Variants in IGF2R observed in about 807,000 individuals in gnomAD.
The protein encoded by IGF2R is insulin like growth factor 2 receptor.
Under a neutral mutation model 270.6 loss-of-function variants are expected in IGF2R, and 91 were observed. The ratio of observed to expected loss-of-function variants is 0.34; its 90% CI spans 0.28 to 0.40. The LOEUF is 0.40. Among genes scored for constraint, IGF2R ranks in the 10% least tolerant of loss-of-function variants. IGF2R has a pLI of 1.00. For missense variants in IGF2R, 2,805 were observed against 3,188.3 expected, an observed-to-expected ratio of 0.88 and a Z score of 2.90; for synonymous variants, 1,316 against 1,258.9, an observed-to-expected ratio of 1.05 and a Z score of -0.96.
rs1438477281 is a variant in IGF2R at position 160,063,661 on chromosome 6, C to A, written c.3886+31C>A. The A allele has an allele frequency of 8.0e-6, 12 of 1,504,182 alleles. No homozygotes were observed. The African/African-American group carries it at 1.4e-4, about 17-fold the overall frequency. 93.2% of individuals were successfully genotyped at this position (1,504,182 alleles called of 1,614,324 possible). A position where few individuals can be genotyped will look rare whatever the true frequency, so the allele number is the denominator to read the frequency against. ...ATTGTTTGTCGTTTTCCTTTTGTTG[C>A]AAAGGAATGGAATTAAAATATTAAA... is the stretch of plus-strand genomic sequence containing the variant. On this transcript the variant is annotated intron_variant, in intron 27 of 47. Transcript: ENST00000356956.
chr6:160,037,075 C>T (rs564104993), intron 10 of IGF2R, among the ~76,000 whole-genome samples: 3 of 152,294 alleles, frequency 2.0e-5, no homozygotes, highest in South Asian at 2.1e-4. Flanking sequence ...GTAAGCCATG[C>T]GTCATTGATG....
chr6:160,015,991 A>G (rs758112352), intron 4 of IGF2R, among the ~76,000 whole-genome samples: 6 of 152,172 alleles, frequency 3.9e-5, no homozygotes, highest in African/African-American at 1.2e-4. Context: ...AAGCCGAGCT[A>G]TGCTTCCTGT....
intron 9 of IGF2R, 71 bp from the exon 10 acceptor site, chr6:160,034,348 C>A: frequency 1.0e-6 from 1 of 960,054 alleles, no homozygotes; most frequent in Non-Finnish European, 1.7e-6. Context: ...TTAATGTAGA[C>A]ATTTAAAAAG....
At chr6:160,045,308 A>C (rs555058842) in intron 13 of IGF2R, among the ~76,000 whole-genome samples, 1 of 152,280 alleles carries the variant, frequency 6.6e-6, no homozygotes, top group East Asian at 1.9e-4. Context: ...TTTCCTTTGG[A>C]TAAGTTCCCA....
intron 45 of IGF2R, among the ~76,000 whole-genome samples, chr6:160,101,231 A>G (rs917765181): frequency 4.6e-5 from 7 of 152,252 alleles, no homozygotes; most frequent in African/African-American, 1.7e-4. Context: ...TCCAAAGAAG[A>G]AATCAAAGGT....
chr6:160,013,015 T>A (rs1784362492), intron 4 of IGF2R, among the ~76,000 whole-genome samples: 1 of 151,972 alleles, frequency 6.6e-6, no homozygotes, highest in Non-Finnish European at 1.5e-5. Context: ...TGGTGCCCTC[T>A]GCTCTCCTGT....
chr6:160,028,603 G>A (rs1409334030), intron 6 of IGF2R, among the ~76,000 whole-genome samples: 3 of 152,222 alleles, frequency 2.0e-5, no homozygotes, highest in Admixed American at 6.5e-5. Flanking sequence ...GGGGCACTGG[G>A]CCCTTTCCAC....
intron 2 of IGF2R, among the ~76,000 whole-genome samples, chr6:160,008,586 G>A (rs1282096765): frequency 6.6e-6 from 1 of 152,160 alleles, no homozygotes; most frequent in Non-Finnish European, 1.5e-5. Flanking sequence ...ACATTTCAGT[G>A]GCTGAGTTAT....
chr6:160,044,088 G>A (rs1311275837), intron 12 of IGF2R, among the ~76,000 whole-genome samples: 2 of 152,190 alleles, frequency 1.3e-5, no homozygotes, highest in African/African-American at 4.8e-5. Context: ...TTGGATATGA[G>A]ACACATTCTC....
chr6:160,044,424 C>CTTTCTTTCTT, intron 12 of IGF2R, 90 bp from the exon 13 acceptor site: 1 of 1,147,280 alleles, frequency 8.7e-7, no homozygotes, highest in African/African-American at 1.6e-5. Flanking sequence ...CTTTCTTTCT[C>CTTTCTTTCTT]TTTCTTTCTT....
chr6:160,035,730 G>C (rs1313660695), intron 10 of IGF2R, among the ~76,000 whole-genome samples: 1 of 152,224 alleles, frequency 6.6e-6, no homozygotes, highest in Non-Finnish European at 1.5e-5. Context: ...TGGCTCTCTA[G>C]GTGTTCACAG....
chr6:160,012,100 A>G (rs1784343484), intron 4 of IGF2R, among the ~76,000 whole-genome samples: 1 of 152,182 alleles, frequency 6.6e-6, no homozygotes, highest in Admixed American at 6.5e-5. Context: ...TGGAAGTGGA[A>G]GTGGTAAAAT....
chr6:159,974,125 C>T (rs1302618430), intron 1 of IGF2R, among the ~76,000 whole-genome samples: 1 of 152,170 alleles, frequency 6.6e-6, no homozygotes, highest in East Asian at 1.9e-4. Context: ...TATGAGAGTT[C>T]CAGTTCTATA....
chr6:160,105,885 C>G lies in IGF2R; in HGVS notation c.*801C>G, dbSNP rs1292931012. 2 of 148,054 alleles carry G rather than the reference C, an allele frequency of 1.4e-5. No homozygotes were observed. Among genetic ancestry groups the G allele is most frequent in the African/African-American group, 5.0e-5 (2 of 39,628 alleles). The allele number at this position is 148,054 out of a possible 1,614,324, so 9.2% of individuals were successfully genotyped here. A position where few individuals can be genotyped will look rare whatever the true frequency, so the allele number is the denominator to read the frequency against. Reference sequence around the variant, plus strand: ...CGGCTGGTGAATTCAAACAACCTGCCCAAAGATTGATTTGTGTGTTTGTGT... The same window carrying G: ...CGGCTGGTGAATTCAAACAACCTGCGCAAAGATTGATTTGTGTGTTTGTGT... On this transcript the variant is annotated 3_prime_UTR_variant, in exon 48 of 48. Coordinates refer to ENST00000356956, the MANE Select transcript of IGF2R (RefSeq NM_000876.4).
chr6:160,005,436 TGGCCACTG>T (rs1194882224), intron 2 of IGF2R: 1 of 152,096 alleles, frequency 6.6e-6, no homozygotes, highest in East Asian at 1.9e-4. Flanking sequence ...GTGTCGCCCT[TGGCCACTG>T]GGCTGCGAGG....
At chr6:160,036,533 T>C (rs1777828068) in intron 10 of IGF2R, among the ~76,000 whole-genome samples, 1 of 152,166 alleles carries the variant, frequency 6.6e-6, no homozygotes, top group Non-Finnish European at 1.5e-5. Flanking sequence ...CTTTGGCCTG[T>C]TCTGTTCAGG....
At position 160,073,867 on chromosome 6, in the gene IGF2R, C is replaced by A. The variant is rs1237407234; in HGVS notation, c.5058C>A (p.Thr1686=). Residue 1686 remains threonine (T), a synonymous_variant, in exon 35 of 48, where the codon ACC becomes ACA. Transcript: ENST00000356956. The part of the protein sequence containing the change: ...YDESEDDASD[T]NPDFYINICQ... Reference sequence around the variant, plus strand: ...AGAGTGAGGATGATGCCTCCGATACCAACCCTGATTTCTACATCAATATTT... The same window carrying A: ...AGAGTGAGGATGATGCCTCCGATACAAACCCTGATTTCTACATCAATATTT... 6.2e-7 allele frequency: 1 copy of A among 1,613,926 alleles called. No individual in the cohort carries two copies.
chr6:159,985,356 A>T (rs978752196), intron 1 of IGF2R, among the ~76,000 whole-genome samples: 1 of 152,194 alleles, frequency 6.6e-6, no homozygotes, highest in African/African-American at 2.4e-5. Flanking sequence ...TTAATTCTTC[A>T]CTTTATAATT....
At chr6:160,032,037 T>C (rs1166691111) in intron 7 of IGF2R, among the ~76,000 whole-genome samples, 2 of 151,188 alleles carry the variant, frequency 1.3e-5, no homozygotes, top group Non-Finnish European at 2.9e-5. Flanking sequence ...GGTACAGATA[T>C]GGTGGTGCCC....
Sources: allele counts gnomAD v4.1 joint callset (sites outside exome capture counted in the v4.1 genomes callset), GRCh38; gene constraint gnomAD v4.1.1; transcripts MANE v1.5; gene names NCBI Gene and HGNC (gene_info 2026-07-23, HGNC 2026-07-21).